The following FREM3 variants were observed in gnomAD, a reference collection of about 807,000 sequenced individuals.
The protein encoded by FREM3 is FRAS1 related extracellular matrix 3, also known as FRAS1-related extracellular matrix protein 3.
Under a neutral mutation model 129.1 loss-of-function variants are expected in FREM3, and 105 were observed. That is an observed-to-expected ratio of 0.81 (90% CI 0.69 to 0.96). The LOEUF is 0.96. Among genes scored for constraint, FREM3 ranks in the 40% least tolerant of loss-of-function variants. The probability of loss-of-function intolerance (pLI) is 0.00; values close to 1 mark genes in which losing one functional copy is unlikely to be tolerated. For missense variants in FREM3, 2,593 were observed against 2,666.3 expected (o/e 0.97, Z 0.61); for synonymous variants, 1,014 against 1,044.9 (o/e 0.97, Z 0.57).
At chr4:143,638,096 T>C (rs1367378675) in intron 2 of FREM3, among the ~76,000 whole-genome samples, 1 of 152,162 alleles carries the variant, frequency 6.6e-6, no homozygotes, top group Non-Finnish European at 1.5e-5. Context: ...TTTCGTGCCC[T>C]TTTTCTCCTT....
rs376535520 is a variant in FREM3 at position 143,697,744 on chromosome 4, C to A, written c.2932G>T (p.Asp978Tyr). The change falls in exon 1 of 8, where the codon GAT (aspartate) becomes TAT (tyrosine). Residue 978 changes from aspartate (D) to tyrosine (Y), a missense_variant. Asp to Tyr is a radical substitution (Grantham distance 160, BLOSUM62 -3). Coordinates refer to ENST00000329798, the MANE Select transcript of FREM3 (RefSeq NM_001168235.2). ...AAAGACAGCATCAAGTCACCTACAT[C>A]CTTCCTTTTGCCATGGATGACACCC... ...TMGVIHGKRK[D>Y]VGDLMLSFIV... The A allele has an allele frequency of 6.5e-7, 1 of 1,537,642 alleles. No homozygotes were observed. Among genetic ancestry groups the A allele is most frequent in the Admixed American group, 2.0e-5 (1 of 51,012 alleles).
intron 2 of FREM3, among the ~76,000 whole-genome samples, chr4:143,678,429 A>G (rs1349065346): frequency 6.6e-6 from 1 of 152,186 alleles, no homozygotes; most frequent in African/African-American, 2.4e-5. Context: ...ATTAGGAGAT[A>G]TATCTAATGT....
intron 2 of FREM3, among the ~76,000 whole-genome samples, chr4:143,664,694 G>T (rs1479670903): frequency 6.6e-6 from 1 of 152,160 alleles, no homozygotes; most frequent in Non-Finnish European, 1.5e-5. Context: ...CCCAGAGGTG[G>T]AGCCTACAGA....
chr4:143,589,422 G>A (rs1738312645), intron 6 of FREM3, among the ~76,000 whole-genome samples: 1 of 152,060 alleles, frequency 6.6e-6, no homozygotes, highest in Non-Finnish European at 1.5e-5. Context: ...TTTGTATAAG[G>A]TGTAAGGAAG....
intron 7 of FREM3, among the ~76,000 whole-genome samples, chr4:143,579,892 A>G (rs971582132): frequency 3.3e-5 from 5 of 152,220 alleles, no homozygotes; most frequent in African/African-American, 1.2e-4. Context: ...CACTATCCCA[A>G]GCATGAACAT....
In FREM3 at chr4:143,642,177, C is replaced by G. The variant is rs561300505; in HGVS notation, c.5276-14417G>C. ...AGACACAAATAAATGGAAAGATATC[C>G]TGTGTTTCTGGATTCTAAGTATTAG... is the stretch of plus-strand genomic sequence containing the variant. On this transcript the variant is annotated intron_variant, in intron 2 of 7. Transcript: ENST00000329798. Among the ~76,000 whole-genome samples the G allele has an allele frequency of 4.0e-5, 6 of 150,366 alleles. No homozygotes were observed. In the East Asian group the frequency reaches 9.7e-4, roughly 24 times the overall value.
intron 6 of FREM3, among the ~76,000 whole-genome samples, chr4:143,608,170 G>C (rs1313715612): frequency 6.6e-6 from 1 of 152,136 alleles, no homozygotes; most frequent in Non-Finnish European, 1.5e-5. Context: ...GCCATGTAAA[G>C]TAACACATTC....
chr4:143,619,041 A>G (rs1738903286), intron 5 of FREM3, among the ~76,000 whole-genome samples: 1 of 152,178 alleles, frequency 6.6e-6, no homozygotes, highest in Admixed American at 6.5e-5. Context: ...CATTGCTTAA[A>G]GTTGTTTTTC....
intron 5 of FREM3, among the ~76,000 whole-genome samples, chr4:143,613,051 T>C (rs1331313268): frequency 1.3e-5 from 2 of 152,158 alleles, no homozygotes; most frequent in African/African-American, 4.8e-5. Flanking sequence ...TAGATCTAAG[T>C]TGCTAAAAAA....
intron 2 of FREM3, among the ~76,000 whole-genome samples, chr4:143,667,955 C>T (rs1214533078): frequency 6.6e-6 from 1 of 152,120 alleles, no homozygotes; most frequent in Non-Finnish European, 1.5e-5. Context: ...AATTCCACAC[C>T]TTCTTCAGTG....
rs530845629 is a variant in FREM3, at chr4:143,674,061, C to T, written c.5275+19052G>A. Among the ~76,000 whole-genome samples, 4 of 152,212 alleles carry T rather than the reference C, an allele frequency of 2.6e-5. No homozygotes were observed. In the South Asian group the frequency reaches 8.3e-4, roughly 31 times the overall value. On this transcript the variant is annotated intron_variant, in intron 2 of 7. Transcript: ENST00000329798. ...TTCCTGGGTGAGGCGATGCCTCGCC[C>T]TGCTTTGGCTTACGCTTGGTGTGCT...
intron 2 of FREM3, among the ~76,000 whole-genome samples, chr4:143,671,954 T>C (rs1740001426): frequency 6.6e-6 from 1 of 152,170 alleles, no homozygotes; most frequent in Admixed American, 6.5e-5. Flanking sequence ...GCACTGGGGA[T>C]GGATGTACAA....
chr4:143,580,137 A>C (rs1005172889), intron 7 of FREM3, among the ~76,000 whole-genome samples: 5 of 152,202 alleles, frequency 3.3e-5, no homozygotes, highest in African/African-American at 1.2e-4. Flanking sequence ...AAGATGGCTA[A>C]CTAGAAGCTG....
intron 2 of FREM3, among the ~76,000 whole-genome samples, chr4:143,659,982 G>A (rs1409163505): frequency 1.1e-4 from 16 of 149,984 alleles, no homozygotes; most frequent in South Asian, 6.4e-4. Flanking sequence ...CTGGATATTA[G>A]CCCTTTGTCA....
chr4:143,687,313 T>C (rs986346478), intron 2 of FREM3, among the ~76,000 whole-genome samples: 2 of 152,164 alleles, frequency 1.3e-5, no homozygotes, highest in Admixed American at 6.5e-5. Context: ...TTAGATGCCC[T>C]GAACAGACCA....
At chr4:143,612,306 C>T (rs923115839) in intron 5 of FREM3, among the ~76,000 whole-genome samples, 1 of 152,182 alleles carries the variant, frequency 6.6e-6, no homozygotes, top group Non-Finnish European at 1.5e-5. Flanking sequence ...GATTTATTTG[C>T]CTTTATGAGA....
chr4:143,693,063 G>T, intron 2 of FREM3, 50 bp downstream of exon 2: 2 of 977,660 alleles, frequency 2.0e-6, no homozygotes, highest in Admixed American at 3.1e-5. Flanking sequence ...CCAATTTTAT[G>T]TTGATTTTAG....
intron 5 of FREM3, among the ~76,000 whole-genome samples, chr4:143,620,554 C>G (rs1415323269): frequency 6.6e-6 from 1 of 152,100 alleles, no homozygotes; most frequent in African/African-American, 2.4e-5. Flanking sequence ...TGCGAAGATG[C>G]CTGAACTCAT....
intron 2 of FREM3, among the ~76,000 whole-genome samples, chr4:143,652,692 C>T (rs943132622): frequency 5.9e-5 from 9 of 152,188 alleles, no homozygotes; most frequent in East Asian, 5.8e-4. Context: ...GAGTACAGTG[C>T]GATCTCAGCT....
Sources: allele counts gnomAD v4.1 joint callset (sites outside exome capture counted in the v4.1 genomes callset), GRCh38; gene constraint gnomAD v4.1.1; transcripts MANE v1.5; gene names NCBI Gene and HGNC (gene_info 2026-07-23, HGNC 2026-07-21).